LRMDA: variants seen among roughly 807,000 people sequenced by gnomAD.
LRMDA encodes the protein leucine-rich melanocyte differentiation-associated protein.
LRMDA carries 18 observed loss-of-function variants against 29.8 expected under a neutral mutation model. The observed-to-expected ratio is 0.60, with a 90% CI of 0.42 to 0.90. The LOEUF (loss-of-function observed/expected upper bound fraction) is 0.90. LRMDA is among the 40% of genes least tolerant of loss of function. The probability of loss-of-function intolerance (pLI) is 0.00; values close to 1 mark genes in which losing one functional copy is unlikely to be tolerated. For synonymous variants in LRMDA, 125 were observed against 109.4 expected (o/e 1.14, Z -0.89); for missense variants, 273 against 273.9 (o/e 1.00, Z 0.02).
At chr10:75,442,657 TTGTAGTA>T (rs1379175318) in intron 2 of LRMDA, among the ~76,000 whole-genome samples, 1 of 152,196 alleles carries the variant, frequency 6.6e-6, no homozygotes, top group Non-Finnish European at 1.5e-5. Context: ...AATTATAGCT[TTGTAGTA>T]TGTTTTGAAG....
intron 6 of LRMDA, among the ~76,000 whole-genome samples, chr10:76,391,555 A>C (rs2132484242): frequency 6.6e-6 from 1 of 152,344 alleles, no homozygotes. Flanking sequence ...TGGTAAATAT[A>C]GTTTATGCTT....
chr10:75,875,325 C>T (rs988988251), intron 2 of LRMDA, among the ~76,000 whole-genome samples: 3 of 152,248 alleles, frequency 2.0e-5, no homozygotes, highest in African/African-American at 7.2e-5. Context: ...ACAGAAAACA[C>T]ATCAGCGGTA....
chr10:75,732,453 T>C (rs1252746757), intron 2 of LRMDA, among the ~76,000 whole-genome samples: 1 of 152,228 alleles, frequency 6.6e-6, no homozygotes, highest in Non-Finnish European at 1.5e-5. Context: ...AAATAAAATA[T>C]GCTCTGTTCT....
At chr10:75,591,100 G>A (rs1286372065) in intron 2 of LRMDA, among the ~76,000 whole-genome samples, 1 of 151,948 alleles carries the variant, frequency 6.6e-6, no homozygotes, top group African/African-American at 2.4e-5. Flanking sequence ...TCTGGAGCTG[G>A]GCATGGTGGC....
intron 5 of LRMDA, among the ~76,000 whole-genome samples, chr10:76,171,428 C>G (rs559930272): frequency 2.6e-5 from 4 of 152,212 alleles, no homozygotes; most frequent in African/African-American, 9.6e-5. Context: ...CGTGAGCCAC[C>G]ACACCCAGCC....
intron 6 of LRMDA, among the ~76,000 whole-genome samples, chr10:76,493,902 T>G (rs552723471): frequency 6.6e-6 from 1 of 152,196 alleles, no homozygotes; most frequent in South Asian, 2.1e-4. Flanking sequence ...CTCAGCAACA[T>G]CTTATAGCTT....
intron 6 of LRMDA, among the ~76,000 whole-genome samples, chr10:76,448,437 A>T (rs924258582): frequency 1.3e-5 from 2 of 152,152 alleles, no homozygotes; most frequent in African/African-American, 4.8e-5. Flanking sequence ...CACTTGATAC[A>T]TAATGAAACA....
chr10:76,167,429 C>A (rs1275745348), intron 5 of LRMDA, among the ~76,000 whole-genome samples: 1 of 151,716 alleles, frequency 6.6e-6, no homozygotes, highest in Non-Finnish European at 1.5e-5. Context: ...TTAATTTTTG[C>A]ATATGATGTA....
intron 2 of LRMDA, among the ~76,000 whole-genome samples, chr10:76,010,032 C>G (rs904997298): frequency 6.6e-6 from 1 of 152,150 alleles, no homozygotes; most frequent in Non-Finnish European, 1.5e-5. Context: ...CTTAGCAGCT[C>G]CCCAAATCAG....
At chr10:75,744,466 A>T (rs1842867345) in intron 2 of LRMDA, among the ~76,000 whole-genome samples, 1 of 152,172 alleles carries the variant, frequency 6.6e-6, no homozygotes. Context: ...ACCTTGCATC[A>T]TTCTGTCTAC....
At chr10:76,097,270 C>T (rs1448516300) in intron 5 of LRMDA, among the ~76,000 whole-genome samples, 1 of 152,232 alleles carries the variant, frequency 6.6e-6, no homozygotes, top group Non-Finnish European at 1.5e-5. Context: ...CTCAGCCTCC[C>T]AAAGTGCTGG....
intron 6 of LRMDA, among the ~76,000 whole-genome samples, chr10:76,538,423 T>C (rs576983849): frequency 2.0e-5 from 3 of 149,670 alleles, no homozygotes; most frequent in African/African-American, 4.9e-5. Flanking sequence ...TTTTTGCTTG[T>C]TGCATTTTTA....
chr10:76,505,300 G>C (rs1294015481), intron 6 of LRMDA, among the ~76,000 whole-genome samples: 1 of 151,848 alleles, frequency 6.6e-6, no homozygotes, highest in Non-Finnish European at 1.5e-5. Context: ...TTGTCATCTT[G>C]TATAGTATTT....
intron 2 of LRMDA, among the ~76,000 whole-genome samples, chr10:75,861,877 C>A (rs750540242): frequency 2.0e-5 from 3 of 152,134 alleles, no homozygotes; most frequent in African/African-American, 7.2e-5. Context: ...TGGAGCTGGT[C>A]TTCTTGGAAT....
At chr10:75,963,837 G>C (rs1846810730) in intron 2 of LRMDA, among the ~76,000 whole-genome samples, 1 of 152,202 alleles carries the variant, frequency 6.6e-6, no homozygotes, top group Non-Finnish European at 1.5e-5. Context: ...TTTTTGTCCA[G>C]TTCAGATTAA....
At chr10:76,014,658 T>C (rs1225740789) in intron 2 of LRMDA, among the ~76,000 whole-genome samples, 4 of 152,234 alleles carry the variant, frequency 2.6e-5, no homozygotes, top group African/African-American at 9.6e-5. Context: ...CCTCTCTGAC[T>C]GAAGGATCTG....
intron 2 of LRMDA, among the ~76,000 whole-genome samples, chr10:76,031,515 C>A (rs921488484): frequency 6.6e-6 from 1 of 152,106 alleles, no homozygotes; most frequent in Non-Finnish European, 1.5e-5. Flanking sequence ...GAGGCAGTAC[C>A]GAGCCCTCAC....
intron 2 of LRMDA, among the ~76,000 whole-genome samples, chr10:75,889,530 C>A (rs985068073): frequency 6.6e-6 from 1 of 152,036 alleles, no homozygotes; most frequent in Admixed American, 6.6e-5. Context: ...TTTCCAGGAT[C>A]AAACTTTGGT....
chr10:75,608,129 T>TATATATACACACAC (rs11271217), intron 2 of LRMDA, among the ~76,000 whole-genome samples: 2 of 89,602 alleles, frequency 2.2e-5, no homozygotes, highest in South Asian at 4.1e-4. Context: ...TATATATATA[T>TATATATACACACAC]ACACACACAT....
Sources: allele counts gnomAD v4.1 joint callset (sites outside exome capture counted in the v4.1 genomes callset), GRCh38; gene constraint gnomAD v4.1.1; transcripts MANE v1.5; gene names NCBI Gene and HGNC (gene_info 2026-07-23, HGNC 2026-07-21).